The following MAP3K5 variants were observed in gnomAD, a reference collection of about 807,000 sequenced individuals.
MAP3K5 encodes the protein mitogen-activated protein kinase kinase kinase 5.
A neutral mutation model predicts 158.7 loss-of-function variants in MAP3K5; 56 were observed. That is an observed-to-expected ratio of 0.35 (90% confidence interval 0.28 to 0.44). MAP3K5 has a LOEUF of 0.44. Among genes scored for constraint, MAP3K5 ranks in the 20% least tolerant of loss-of-function variants. The probability of loss-of-function intolerance (pLI) is 1.00; values close to 1 mark genes in which losing one functional copy is unlikely to be tolerated. For missense variants in MAP3K5, 1,294 were observed against 1,674.8 expected, an observed-to-expected ratio of 0.77 and a Z score of 3.97; for synonymous variants, 579 against 601.7, an observed-to-expected ratio of 0.96 and a Z score of 0.55.
chr6:136,719,832 C>T (rs997281398), intron 2 of MAP3K5, among the ~76,000 whole-genome samples: 11 of 152,248 alleles, frequency 7.2e-5, no homozygotes, highest in Admixed American at 2.0e-4. Flanking sequence ...CAAAGAATCA[C>T]ACAGTGTAAA....
At chr6:136,787,943 G>C (rs1183779125) in intron 1 of MAP3K5, among the ~76,000 whole-genome samples, 1 of 152,202 alleles carries the variant, frequency 6.6e-6, no homozygotes, top group Non-Finnish European at 1.5e-5. Flanking sequence ...GCTAAGAATG[G>C]TTTTTACATT....
In MAP3K5 at chr6:136,558,854, A is replaced by G; in HGVS notation, c.4010T>C (p.Leu1337Pro). 6.2e-7 allele frequency: 1 copy of G among 1,600,900 alleles called. No individual in the cohort carries two copies. Among genetic ancestry groups the G allele is most frequent in the Non-Finnish European group, 8.6e-7 (1 of 1,168,930 alleles). Residue 1337 changes from leucine to proline, a missense_variant, in exon 29 of 30, where the codon CTA (leucine) becomes CCA (proline). By Grantham distance (98) the Leu-to-Pro change is moderately conservative. Coordinates refer to ENST00000359015, the MANE Select transcript of MAP3K5 (RefSeq NM_005923.4). ...ISRFLAEDYT[L>P]LDVLYYVTRD... Reference sequence around the variant, plus strand: ...TGTAACATAGTAGAGAACATCCAATAGTGTATAATCTTCAGCCAAAAACTG... The same window carrying G: ...TGTAACATAGTAGAGAACATCCAATGGTGTATAATCTTCAGCCAAAAACTG...
intron 10 of MAP3K5, 38 bp from the exon 11 acceptor site, chr6:136,651,129 T>G (rs993833182): frequency 7.0e-6 from 8 of 1,139,756 alleles, no homozygotes; most frequent in Non-Finnish European, 9.1e-6. Context: ...TATCAGTGAC[T>G]TAAGACTGAA....
At chr6:136,558,502 G>A (rs1000620899) in intron 29 of MAP3K5, among the ~76,000 whole-genome samples, 3 of 152,130 alleles carry the variant, frequency 2.0e-5, no homozygotes, top group African/African-American at 7.2e-5. Flanking sequence ...ACACCATCAT[G>A]AACTCAATTA....
chr6:136,623,572 G>A (rs970044608), intron 14 of MAP3K5, among the ~76,000 whole-genome samples: 6 of 152,092 alleles, frequency 3.9e-5, no homozygotes, highest in Non-Finnish European at 8.8e-5. Context: ...GATGTAGAAA[G>A]GAAATATCTA....
intron 11 of MAP3K5, among the ~76,000 whole-genome samples, chr6:136,649,403 A>C (rs542494144): frequency 6.6e-6 from 1 of 152,346 alleles, no homozygotes; most frequent in Non-Finnish European, 1.5e-5. Flanking sequence ...TTCTTGAGCT[A>C]CTACAATTGA....
At chr6:136,702,548 A>G (rs1283559788) in intron 3 of MAP3K5, among the ~76,000 whole-genome samples, 1 of 152,248 alleles carries the variant, frequency 6.6e-6, no homozygotes, top group Non-Finnish European at 1.5e-5. Flanking sequence ...ATTGCCTTTT[A>G]TTAATAAAGT....
intron 21 of MAP3K5, among the ~76,000 whole-genome samples, chr6:136,594,413 C>T (rs1348802928): frequency 2.0e-5 from 3 of 152,180 alleles, no homozygotes; most frequent in African/African-American, 7.2e-5. Context: ...TTAGAGTCAA[C>T]ATCTCGCTAT....
chr6:136,736,029 C>A (rs1782445969), intron 1 of MAP3K5, among the ~76,000 whole-genome samples: 1 of 151,942 alleles, frequency 6.6e-6, no homozygotes, highest in African/African-American at 2.4e-5. Context: ...CTTTCTACTC[C>A]TGTAGAAACT....
At chr6:136,780,739 G>A (rs546786605) in intron 1 of MAP3K5, among the ~76,000 whole-genome samples, 1 of 152,320 alleles carries the variant, frequency 6.6e-6, no homozygotes, top group South Asian at 2.1e-4. Context: ...CATTTAGGTA[G>A]TATGTAGATG....
intron 1 of MAP3K5, among the ~76,000 whole-genome samples, chr6:136,756,523 ACTGCAACCTCCGCCTCC>A (rs896046419): frequency 1.8e-4 from 27 of 152,196 alleles, no homozygotes; most frequent in Non-Finnish European, 2.6e-4. Flanking sequence ...ATCTCGGCTC[ACTGCAACCTCCGCCTCC>A]CTGCAACCTC....
chr6:136,628,754 A>C (rs1777166438), intron 14 of MAP3K5, among the ~76,000 whole-genome samples: 1 of 152,216 alleles, frequency 6.6e-6, no homozygotes, highest in South Asian at 2.1e-4. Flanking sequence ...GGAATTGTAA[A>C]AAGAGCAGTG....
chr6:136,686,428 T>C (rs1366256708), intron 7 of MAP3K5, among the ~76,000 whole-genome samples: 1 of 152,094 alleles, frequency 6.6e-6, no homozygotes, highest in Non-Finnish European at 1.5e-5. Context: ...GCCAGGGCAA[T>C]CAGGGAAGAA....
At chr6:136,715,040 TTAAAGA>T (rs1377809941) in intron 2 of MAP3K5, among the ~76,000 whole-genome samples, 2 of 152,204 alleles carry the variant, frequency 1.3e-5, no homozygotes, top group South Asian at 4.2e-4. Context: ...CAGCCAATGG[TTAAAGA>T]TAAAAATACA....
chr6:136,725,357 T>C (rs1012926632), intron 1 of MAP3K5, among the ~76,000 whole-genome samples: 30 of 152,340 alleles, frequency 2.0e-4, no homozygotes, highest in African/African-American at 7.2e-4. Flanking sequence ...AACATCTTTG[T>C]CAGCGCTTGG....
At chr6:136,603,261 C>T (rs541488415) in intron 19 of MAP3K5, among the ~76,000 whole-genome samples, 2 of 151,446 alleles carry the variant, frequency 1.3e-5, no homozygotes, top group East Asian at 3.9e-4. Context: ...CAACCTCCAT[C>T]TCCCCAGTCC....
chr6:136,711,641 G>A (rs957072222), intron 2 of MAP3K5, among the ~76,000 whole-genome samples: 2 of 151,528 alleles, frequency 1.3e-5, no homozygotes, highest in African/African-American at 4.9e-5. Context: ...ACCCCAGGCT[G>A]GGTGGACAAA....
At chr6:136,668,567 T>C (rs1450265253) in intron 8 of MAP3K5, among the ~76,000 whole-genome samples, 2 of 152,016 alleles carry the variant, frequency 1.3e-5, no homozygotes, top group East Asian at 1.9e-4. Flanking sequence ...CGGAGCAAAA[T>C]ATGATTCCCA....
intron 2 of MAP3K5, among the ~76,000 whole-genome samples, chr6:136,706,026 G>C (rs1333348638): frequency 6.6e-6 from 1 of 152,198 alleles, no homozygotes; most frequent in Non-Finnish European, 1.5e-5. Context: ...GGGAGGTGGA[G>C]GCAGGTGGAT....
Sources: allele counts gnomAD v4.1 joint callset (sites outside exome capture counted in the v4.1 genomes callset), GRCh38; gene constraint gnomAD v4.1.1; transcripts MANE v1.5; gene names NCBI Gene and HGNC (gene_info 2026-07-23, HGNC 2026-07-21).